The following DIPK1C variants were observed in gnomAD, a reference collection of about 807,000 sequenced individuals.
DIPK1C encodes divergent protein kinase domain 1C.
DIPK1C carries 33 observed loss-of-function variants against 28.0 expected under a neutral mutation model. The ratio of observed to expected loss-of-function variants is 1.18; its 90% CI spans 0.89 to 1.58. DIPK1C has a LOEUF of 1.58. Among genes scored for constraint, DIPK1C ranks in the 40% most tolerant of loss-of-function variants. DIPK1C has a pLI of 0.00. For synonymous variants in DIPK1C, 255 were observed against 248.8 expected (o/e 1.02, Z -0.23); for missense variants, 569 against 568.5 (o/e 1.00, Z -0.01).
chr18:74,437,205 C>G (rs1295595873), intron 3 of DIPK1C, among the ~76,000 whole-genome samples: 1 of 152,176 alleles, frequency 6.6e-6, no homozygotes, highest in Non-Finnish European at 1.5e-5. Flanking sequence ...TCCAGAGGGC[C>G]AAATGGTGCG....
chr18:74,451,017 C>T lies in DIPK1C; in HGVS notation c.199-3734G>A, dbSNP rs1474685920. Among the ~76,000 whole-genome samples the T allele has an allele frequency of 3.3e-5, 5 of 152,168 alleles. No individual in the cohort carries two copies. The East Asian group carries it at 9.7e-4, about 29-fold the overall frequency. Reference sequence around the variant, plus strand: ...ACACAGTGCCCGGCCTAAGGTGGCTCGCTCAAAGCTAGCTCCCTCTCCAGC... The same window carrying T: ...ACACAGTGCCCGGCCTAAGGTGGCTTGCTCAAAGCTAGCTCCCTCTCCAGC... On this transcript the variant is annotated intron_variant, in intron 1 of 3. Coordinates refer to ENST00000343998, the MANE Select transcript of DIPK1C (RefSeq NM_001044369.3).
chr18:74,446,729 C>T lies in DIPK1C; in HGVS notation c.753G>A (p.Lys251=), dbSNP rs1392199137. ...AGCTGAGTGCGATGTCACTGATGGCCTTGGCCTGGCCACCCCCAGGGGCAC... is the reference window on the plus strand; with the variant it reads ...AGCTGAGTGCGATGTCACTGATGGCTTTGGCCTGGCCACCCCCAGGGGCAC... ...APGAPGGGQA[K]AISDIALSFL... Residue 251 remains lysine, a synonymous_variant, in exon 2 of 4, where the codon AAG becomes AAA. Transcript: ENST00000343998. The T allele has an allele frequency of 1.9e-6, 3 of 1,541,710 alleles. No individual in the cohort carries two copies. The East Asian group carries it at 7.4e-5, about 38-fold the overall frequency.
upstream of DIPK1C, among the ~76,000 whole-genome samples, chr18:74,461,383 C>CCTTT (rs1568268292): frequency 1.4e-5 from 2 of 139,530 alleles, no homozygotes; most frequent in Admixed American, 7.4e-5. Flanking sequence ...TTCCTTTCTT[C>CCTTT]CTTCCTTTCT....
chr18:74,462,017 C>A (rs1014384911), upstream of DIPK1C, among the ~76,000 whole-genome samples: 9 of 152,242 alleles, frequency 5.9e-5, no homozygotes, highest in African/African-American at 2.2e-4. Context: ...CTGCCTTGGC[C>A]TCCCAAAGTG....
upstream of DIPK1C, among the ~76,000 whole-genome samples, chr18:74,458,940 C>CAAAAAAAA (rs61690822): frequency 1.1e-4 from 14 of 123,350 alleles, no homozygotes; most frequent in South Asian, 1.0e-3. Flanking sequence ...CCAACCTGGG[C>CAAAAAAAA]AAAAAAAAAA....
chr18:74,462,245 C>A (rs570255768), upstream of DIPK1C, among the ~76,000 whole-genome samples: 1 of 152,170 alleles, frequency 6.6e-6, no homozygotes, highest in Non-Finnish European at 1.5e-5. Context: ...ACTTGCATTC[C>A]CTCCATGCTC....
chr18:74,440,437 G>A (rs572165033), intron 3 of DIPK1C, among the ~76,000 whole-genome samples: 2 of 152,158 alleles, frequency 1.3e-5, no homozygotes, highest in African/African-American at 2.4e-5. Flanking sequence ...TTACAATCAC[G>A]TTAACAATAT....
intron 3 of DIPK1C, among the ~76,000 whole-genome samples, chr18:74,437,806 T>C (rs1353590455): frequency 6.6e-6 from 1 of 152,244 alleles, no homozygotes; most frequent in Admixed American, 6.5e-5. Flanking sequence ...CACTTCCTTT[T>C]CCTTTCATTT....
At chr18:74,456,373 G>T (rs1436767954) in intron 1 of DIPK1C, among the ~76,000 whole-genome samples, 1 of 152,244 alleles carries the variant, frequency 6.6e-6, no homozygotes, top group African/African-American at 2.4e-5. Flanking sequence ...TGCTGGGTGC[G>T]AGCTTTCGGG....
chr18:74,442,039 A>T lies in DIPK1C; in HGVS notation c.954T>A (p.Asp318Glu). The T allele has an allele frequency of 5.6e-6, 9 of 1,614,200 alleles. No individual in the cohort carries two copies. The highest frequency in any genetic ancestry group is 7.6e-6 in the Non-Finnish European group (9 of 1,180,032). ...REILEQNCTGDEDCNFFDCFS... is the reference protein window; with the variant it reads ...REILEQNCTGEEDCNFFDCFS... ...AACAGTCAAAGAAATTGCAGTCTTC[A>T]TCTCCTGTGCAGTTTTGCTCAAGGA... is the stretch of plus-strand genomic sequence containing the variant. The change falls in exon 3 of 4, where the codon GAT (aspartate) becomes GAA (glutamate). Residue 318 changes from aspartate to glutamate, a missense_variant. Coordinates refer to ENST00000343998, the MANE Select transcript of DIPK1C (RefSeq NM_001044369.3).
At chr18:74,458,981 G>A (rs1428991607), upstream of DIPK1C, among the ~76,000 whole-genome samples, 1 of 151,994 alleles carries the variant, frequency 6.6e-6, no homozygotes, top group Non-Finnish European at 1.5e-5. Flanking sequence ...ATGTGGGCTT[G>A]TAGTCCTAGC....
chr18:74,464,041 A>G, the DIPK1C span, among the ~76,000 whole-genome samples: 1 of 152,178 alleles, frequency 6.6e-6, no homozygotes. Context: ...AAAGGTCAGC[A>G]TATAAGAAGC....
chr18:74,454,588 T>TG (rs1986465803), intron 1 of DIPK1C, among the ~76,000 whole-genome samples: 1 of 152,222 alleles, frequency 6.6e-6, no homozygotes, highest in African/African-American at 2.4e-5. Context: ...AATGAGAGTC[T>TG]GGAGGCCCAT....
the DIPK1C span, among the ~76,000 whole-genome samples, chr18:74,463,870 G>A: frequency 1.3e-5 from 2 of 152,162 alleles, no homozygotes; most frequent in African/African-American, 4.8e-5. Context: ...CCGACTGGGT[G>A]GGTTCTTCTC....
chr18:74,454,497 C>T (rs931227639), intron 1 of DIPK1C, among the ~76,000 whole-genome samples: 3 of 152,252 alleles, frequency 2.0e-5, no homozygotes, highest in Non-Finnish European at 2.9e-5. Context: ...ACCACAACTC[C>T]CTGGGCGCTG....
At chr18:74,461,070 T>TCC (rs1281352613), upstream of DIPK1C, among the ~76,000 whole-genome samples, 1 of 152,142 alleles carries the variant, frequency 6.6e-6, no homozygotes, top group Non-Finnish European at 1.5e-5. Flanking sequence ...ACTCCAAATG[T>TCC]CCATAAGGAT....
chr18:74,442,498 T>C (rs1188482651), intron 2 of DIPK1C, among the ~76,000 whole-genome samples: 1 of 151,584 alleles, frequency 6.6e-6, no homozygotes, highest in Non-Finnish European at 1.5e-5. Flanking sequence ...CCGGCTAATT[T>C]TTTTGTATTT....
intron 1 of DIPK1C, among the ~76,000 whole-genome samples, chr18:74,454,369 T>G (rs990061261): frequency 6.6e-5 from 10 of 152,126 alleles, no homozygotes; most frequent in African/African-American, 2.4e-4. Context: ...GTCCCTAAGC[T>G]TTTTCCTCTG....
chr18:74,436,925 G>A (rs551612821), intron 3 of DIPK1C, among the ~76,000 whole-genome samples: 4 of 149,770 alleles, frequency 2.7e-5, no homozygotes, highest in Non-Finnish European at 4.4e-5. Context: ...AACAAAAGAC[G>A]CCTCCGAGAG....
Sources: allele counts gnomAD v4.1 joint callset (sites outside exome capture counted in the v4.1 genomes callset), GRCh38; gene constraint gnomAD v4.1.1; transcripts MANE v1.5; gene names NCBI Gene and HGNC (gene_info 2026-07-23, HGNC 2026-07-21).